LOC400499: variants seen among roughly 807,000 people sequenced by gnomAD.
the LOC400499 span, among the ~76,000 whole-genome samples, chr16:11,430,511 A>T: frequency 6.6e-6 from 1 of 152,138 alleles, no homozygotes; most frequent in African/African-American, 2.4e-5. Context: ...ACGAAAAAAA[A>T]GAATTATCAT....
At chr16:11,437,255 C>G in the LOC400499 span, among the ~76,000 whole-genome samples, 2 of 152,162 alleles carry the variant, frequency 1.3e-5, no homozygotes, top group African/African-American at 4.8e-5. Flanking sequence ...TACGTTGTAT[C>G]AATCTGTCAA....
chr16:11,473,114 T>TC, the LOC400499 span: 3 of 101,406 alleles, frequency 3.0e-5, no homozygotes, highest in African/African-American at 1.2e-4. Flanking sequence ...ACACGCTATC[T>TC]CAAAATAAAT....
At chr16:11,391,756 A>T in the LOC400499 span, 1 of 1,232,172 alleles carries the variant, frequency 8.1e-7, no homozygotes, top group Non-Finnish European at 1.0e-6. Flanking sequence ...CTCCGGGCCC[A>T]CAAAGTGGCT....
At chr16:11,509,628 C>T in the LOC400499 span, among the ~76,000 whole-genome samples, 9 of 151,134 alleles carry the variant, frequency 6.0e-5, no homozygotes, top group African/African-American at 1.7e-4. Flanking sequence ...GTCAGGAGTT[C>T]GAGACCAGCC....
At chr16:11,469,649 G>A in the LOC400499 span, 1 of 399,086 alleles carries the variant, frequency 2.5e-6, no homozygotes, top group Admixed American at 4.4e-5. Context: ...GTGGCTTCTT[G>A]GGGGAACCAG....
the LOC400499 span, among the ~76,000 whole-genome samples, chr16:11,436,490 T>G: frequency 6.6e-6 from 1 of 152,192 alleles, no homozygotes; most frequent in Non-Finnish European, 1.5e-5. Context: ...GCCTATCCCT[T>G]TCCTGATCTG....
chr16:11,463,551 C>A, the LOC400499 span, among the ~76,000 whole-genome samples: 1 of 151,840 alleles, frequency 6.6e-6, no homozygotes, highest in Non-Finnish European at 1.5e-5. Flanking sequence ...CATGTATGGA[C>A]GTGTGTGTGA....
At chr16:11,377,112 C>G in the LOC400499 span, among the ~76,000 whole-genome samples, 1 of 152,212 alleles carries the variant, frequency 6.6e-6, no homozygotes, top group African/African-American at 2.4e-5. Context: ...CACAACCATG[C>G]CCGGCAGGAA....
At chr16:11,520,032 A>C in the LOC400499 span, among the ~76,000 whole-genome samples, 39 of 152,236 alleles carry the variant, frequency 2.6e-4, no homozygotes, top group African/African-American at 9.1e-4. Flanking sequence ...GAGGTACCTA[A>C]AAACAGGCAA....
the LOC400499 span, among the ~76,000 whole-genome samples, chr16:11,508,485 C>T: frequency 6.6e-6 from 1 of 152,236 alleles, no homozygotes; most frequent in Non-Finnish European, 1.5e-5. Flanking sequence ...AAGGCTTCCC[C>T]TCTGCTCACA....
At chr16:11,474,694 T>C in the LOC400499 span, among the ~76,000 whole-genome samples, 1 of 112,678 alleles carries the variant, frequency 8.9e-6, no homozygotes. Context: ...ACCCTGTCTC[T>C]ACAAAATACA....
At chr16:11,488,855 A>G in the LOC400499 span, 2 of 398,750 alleles carry the variant, frequency 5.0e-6, no homozygotes, top group African/African-American at 2.1e-5. Flanking sequence ...GTGACTCCAC[A>G]CAAAAGAACC....
the LOC400499 span, among the ~76,000 whole-genome samples, chr16:11,482,022 A>G: frequency 6.6e-6 from 1 of 152,214 alleles, no homozygotes; most frequent in Non-Finnish European, 1.5e-5. Context: ...CCATTTATAT[A>G]AAGTTTACAA....
At chr16:11,387,078 G>A in the LOC400499 span, 18 of 1,231,544 alleles carry the variant, frequency 1.5e-5, no homozygotes, top group Admixed American at 4.2e-5. Context: ...GGCTCTCAGG[G>A]AGGAGGGCGG....
the LOC400499 span, among the ~76,000 whole-genome samples, chr16:11,484,224 G>T: frequency 1.3e-5 from 2 of 152,042 alleles, no homozygotes; most frequent in South Asian, 4.2e-4. Flanking sequence ...AGCCAGGATG[G>T]TCTTGATCTC....
At chr16:11,398,370 A>C in the LOC400499 span, 2 of 1,232,134 alleles carry the variant, frequency 1.6e-6, no homozygotes, top group African/African-American at 3.1e-5. Flanking sequence ...ACAGAGCCCC[A>C]GGTGGAGGGA....
At chr16:11,456,567 G>A in the LOC400499 span, among the ~76,000 whole-genome samples, 3 of 152,134 alleles carry the variant, frequency 2.0e-5, no homozygotes, top group Admixed American at 1.3e-4. Flanking sequence ...TAAGCATCAC[G>A]GCACTCATTA....
chr16:11,381,876 T>C, the LOC400499 span, among the ~76,000 whole-genome samples: 3 of 152,166 alleles, frequency 2.0e-5, no homozygotes, highest in African/African-American at 7.2e-5. Flanking sequence ...GGTCTTGGTA[T>C]GGATGGATTT....
the LOC400499 span, chr16:11,460,690 G>C: frequency 6.9e-7 from 1 of 1,448,470 alleles, no homozygotes; most frequent in Admixed American, 2.4e-5. Flanking sequence ...GGAGGGCCCG[G>C]CCCAGCCTGG....
Sources: gnomAD v4.1 joint callset for allele counts (sites outside exome capture counted in the v4.1 genomes callset) on GRCh38, gnomAD v4.1.1 for gene constraint, MANE v1.5 for transcripts.